Variants in HECW1 observed in about 807,000 individuals in gnomAD.
The protein encoded by HECW1 is HECT, C2 and WW domain containing E3 ubiquitin protein ligase 1.
In HECW1, 61 loss-of-function variants were observed where a neutral mutation model predicts 182.3. The ratio of observed to expected loss-of-function variants is 0.33; its 90% CI spans 0.27 to 0.41. HECW1 has a LOEUF of 0.41. Among genes scored for constraint, HECW1 ranks in the 10% least tolerant of loss-of-function variants. HECW1 has a pLI of 1.00. For synonymous variants in HECW1, 859 were observed against 832.6 expected (o/e 1.03, Z -0.55); for missense variants, 1,739 against 2,108.9 (o/e 0.82, Z 3.44).
rs759314493 is a variant in HECW1 at position 43,396,909 on chromosome 7, G to A, written c.631+20G>A. The A allele has an allele frequency of 1.9e-6, 3 of 1,570,856 alleles. No homozygotes were observed. The highest frequency in any genetic ancestry group is 1.4e-5 in the African/African-American group (1 of 74,046). ...TCTCAGGTATGTTTTGCTCACCTGA[G>A]ACTTTGTGGAGAGACTAAGAATGTC... On this transcript the variant is annotated intron_variant, in intron 7 of 29. Coordinates refer to ENST00000395891, the MANE Select transcript of HECW1 (RefSeq NM_015052.5).
intron 26 of HECW1, 110 bp downstream of exon 26, chr7:43,542,108 A>C (rs2081382754): frequency 1.1e-6 from 1 of 942,866 alleles, no homozygotes; most frequent in Non-Finnish European, 1.4e-6. Context: ...TCAGTGCTTC[A>C]GTATATCCAC....
chr7:43,141,800 A>C (rs1788187976), intron 2 of HECW1, among the ~76,000 whole-genome samples: 1 of 152,158 alleles, frequency 6.6e-6, no homozygotes, highest in Non-Finnish European at 1.5e-5. Flanking sequence ...ACCCGGTGAG[A>C]TATTTGGATT....
At chr7:43,118,408 C>T (rs1785253010) in intron 2 of HECW1, 1 of 152,532 alleles carries the variant, frequency 6.6e-6, no homozygotes, top group Admixed American at 6.5e-5. Context: ...TGTTAAAATT[C>T]AGAGATCTAG....
At chr7:43,508,890 A>G in intron 23 of HECW1, 79 bp from the exon 24 acceptor site, 2 of 1,490,912 alleles carry the variant, frequency 1.3e-6, no homozygotes, top group South Asian at 1.3e-5. Context: ...CTGAAAGGGC[A>G]CACTAGAATC....
Position 43,224,390 on chromosome 7 carries a change from T to C in HECW1, c.-31-19485T>C, listed in dbSNP as rs568679943. ...TGATCCGTGTACTTGTAGCTCAAAA[T>C]CAGATGCCCTGGGAGCCCAGGGGGA... On this transcript the variant is annotated intron_variant, in intron 2 of 29. Coordinates refer to ENST00000395891, the MANE Select transcript of HECW1 (RefSeq NM_015052.5). 1.7e-3 allele frequency among the ~76,000 whole-genome samples: 255 copies of C among 152,150 alleles called. 7 individuals carry two copies. In the South Asian group the frequency reaches 0.051, roughly 31 times the overall value.
At chr7:43,315,856 C>T (rs550517255) in intron 4 of HECW1, among the ~76,000 whole-genome samples, 1 of 152,066 alleles carries the variant, frequency 6.6e-6, no homozygotes, top group African/African-American at 2.4e-5. Flanking sequence ...GAGATTTTTT[C>T]CCAAGATTTG....
chr7:43,318,724 A>C (rs563510889), intron 4 of HECW1, among the ~76,000 whole-genome samples: 34 of 152,366 alleles, frequency 2.2e-4, no homozygotes, highest in Admixed American at 8.5e-4. Context: ...TTCTCAGTCC[A>C]GCCAGATGCA....
intron 17 of HECW1, among the ~76,000 whole-genome samples, chr7:43,488,403 TGAAA>T (rs200978295): frequency 0.026 from 1,128 of 43,082 alleles, 42 homozygotes; most frequent in African/African-American, 0.094. Flanking sequence ...AGGAAGGAAA[TGAAA>T]GAAAGAGAGA....
At chr7:43,510,830 A>C (rs905769112) in intron 24 of HECW1, among the ~76,000 whole-genome samples, 1 of 152,186 alleles carries the variant, frequency 6.6e-6, no homozygotes, top group Admixed American at 6.5e-5. Context: ...AGCATGTTTC[A>C]GTGCAGCCAC....
intron 17 of HECW1, among the ~76,000 whole-genome samples, chr7:43,490,715 T>A (rs1467651891): frequency 2.0e-5 from 3 of 152,246 alleles, no homozygotes; most frequent in African/African-American, 7.2e-5. Flanking sequence ...TGATTTTTTT[T>A]AATTTACAAA....
intron 2 of HECW1, among the ~76,000 whole-genome samples, chr7:43,153,180 C>G (rs1789524829): frequency 6.6e-6 from 1 of 152,004 alleles, no homozygotes; most frequent in Non-Finnish European, 1.5e-5. Flanking sequence ...TTTTTTAAAA[C>G]CACTGATCTC....
rs1274903584 is a variant in HECW1 at position 43,444,836 on chromosome 7, C to A, written c.1664C>A (p.Thr555Asn). 4 of 1,613,786 alleles carry A rather than the reference C, an allele frequency of 2.5e-6. No individual in the cohort carries two copies. In the East Asian group the frequency reaches 6.7e-5, roughly 27 times the overall value. The change falls in exon 11 of 30, where the codon ACC becomes AAC. Residue 555 changes from threonine (T) to asparagine (N), a missense_variant. Coordinates refer to ENST00000395891, the MANE Select transcript of HECW1 (RefSeq NM_015052.5). This position sits in a 1 kb window ranked among gnomAD's most constrained non-coding sequence, Gnocchi z 4.3. ...GCGTCAGCCTGCGGGGACCCCGAGACCCCGCGGACACACTACATCCGCATC... is the reference window on the plus strand; with the variant it reads ...GCGTCAGCCTGCGGGGACCCCGAGAACCCGCGGACACACTACATCCGCATC... ...VIASACGDPE[T>N]PRTHYIRIHT...
At chr7:43,266,440 A>G (rs371559613) in intron 3 of HECW1, among the ~76,000 whole-genome samples, 1 of 152,222 alleles carries the variant, frequency 6.6e-6, no homozygotes, top group East Asian at 1.9e-4. Context: ...GGTTCAAGCA[A>G]TTCTCTGCCT....
intron 8 of HECW1, among the ~76,000 whole-genome samples, chr7:43,416,992 G>T (rs576086292): frequency 5.9e-5 from 9 of 152,186 alleles, no homozygotes; most frequent in Non-Finnish European, 1.3e-4. Flanking sequence ...CGTCTTCTGC[G>T]TCGCTCACGC....
intron 2 of HECW1, among the ~76,000 whole-genome samples, chr7:43,140,097 T>C (rs1264674517): frequency 3.4e-5 from 5 of 149,172 alleles, no homozygotes; most frequent in Non-Finnish European, 7.4e-5. Flanking sequence ...TTTATACTTA[T>C]TTAATATTTT....
chr7:43,151,214 C>T (rs191166776), intron 2 of HECW1, among the ~76,000 whole-genome samples: 9 of 152,278 alleles, frequency 5.9e-5, no homozygotes, highest in African/African-American at 1.9e-4. Flanking sequence ...CAGCTGGCTA[C>T]ACCTTTTCTT....
rs562375658 is a variant in HECW1, at chr7:43,490,333, T to G, written c.3235-1742T>G. ...CCCATGGTTGCAGAATGGAGCTCTC[T>G]CCTCCCTTTCTGGTTCTGGTTCTGA... On this transcript the variant is annotated intron_variant, in intron 17 of 29. Transcript: ENST00000395891. Among the ~76,000 whole-genome samples, 10 of 152,306 alleles carry G rather than the reference T, an allele frequency of 6.6e-5. 1 individual carries two copies. The South Asian group carries it at 2.1e-3, about 32-fold the overall frequency.
chr7:43,462,155 G>C (rs920064394), intron 13 of HECW1, among the ~76,000 whole-genome samples: 2 of 152,156 alleles, frequency 1.3e-5, no homozygotes, highest in African/African-American at 4.8e-5. Context: ...TGCACTTGGA[G>C]ACAGGCTATT....
chr7:43,494,060 C>T (rs906773859), intron 19 of HECW1, among the ~76,000 whole-genome samples: 4 of 152,162 alleles, frequency 2.6e-5, no homozygotes, highest in South Asian at 4.1e-4. Flanking sequence ...TACCATACTC[C>T]GACTTCCTCG....
Sources: allele counts gnomAD v4.1 joint callset (sites outside exome capture counted in the v4.1 genomes callset), GRCh38; gene constraint gnomAD v4.1.1; non-coding constraint Gnocchi (gnomAD v3.1); transcripts MANE v1.5; gene names NCBI Gene and HGNC (gene_info 2026-07-23, HGNC 2026-07-21).